The following ERBB4 variants were observed in gnomAD, a reference collection of about 807,000 sequenced individuals.
ERBB4 encodes receptor tyrosine-protein kinase erbB-4.
ERBB4 carries 42 observed loss-of-function variants against 158.0 expected under a neutral mutation model. The ratio of observed to expected loss-of-function variants is 0.27; its 90% CI spans 0.21 to 0.34. ERBB4 has a LOEUF of 0.34. Ranked by LOEUF, ERBB4 falls within the 10% of genes least tolerant of loss-of-function variation. The pLI is 1.00. For missense variants in ERBB4, 1,333 were observed against 1,624.1 expected (o/e 0.82, Z 3.08); for synonymous variants, 583 against 558.7 (o/e 1.04, Z -0.61).
At chr2:211,406,306 CTAAA>C (rs2063146833) in intron 25 of ERBB4, among the ~76,000 whole-genome samples, 1 of 152,030 alleles carries the variant, frequency 6.6e-6, no homozygotes, top group East Asian at 1.9e-4. Context: ...TAGTAGATAC[CTAAA>C]TAAATGTTTG....
chr2:211,523,502 T>G (rs965045526), intron 20 of ERBB4, among the ~76,000 whole-genome samples: 1 of 151,736 alleles, frequency 6.6e-6, no homozygotes, highest in Non-Finnish European at 1.5e-5. Flanking sequence ...AGTTTGTTCC[T>G]TCTGATGTTC....
intron 20 of ERBB4, among the ~76,000 whole-genome samples, chr2:211,451,183 A>C (rs1351653224): frequency 6.6e-6 from 1 of 152,208 alleles, no homozygotes; most frequent in Non-Finnish European, 1.5e-5. Flanking sequence ...AGAAATCCAG[A>C]GTTTCAAATA....
At chr2:212,281,864 C>T (rs981578221) in intron 1 of ERBB4, among the ~76,000 whole-genome samples, 5 of 151,716 alleles carry the variant, frequency 3.3e-5, no homozygotes, top group Non-Finnish European at 2.9e-5. Flanking sequence ...TTATGCAACT[C>T]TGCTTCAATG....
chr2:211,478,837 C>T (rs567735777), intron 20 of ERBB4, among the ~76,000 whole-genome samples: 1 of 152,176 alleles, frequency 6.6e-6, no homozygotes, highest in South Asian at 2.1e-4. Context: ...AGAAACAAAA[C>T]CAATTCCAGG....
chr2:211,570,069 A>G (rs990838087), intron 19 of ERBB4, among the ~76,000 whole-genome samples: 1 of 151,974 alleles, frequency 6.6e-6, no homozygotes, highest in Non-Finnish European at 1.5e-5. Flanking sequence ...GATTCATGAG[A>G]TTTTGCCTAA....
intron 1 of ERBB4, among the ~76,000 whole-genome samples, chr2:212,370,578 T>A (rs1184708232): frequency 1.3e-5 from 2 of 152,200 alleles, no homozygotes; most frequent in Non-Finnish European, 2.9e-5. Context: ...TCCAGGGTGA[T>A]AATTTTCATT....
intron 25 of ERBB4, among the ~76,000 whole-genome samples, chr2:211,391,339 A>G (rs537411814): frequency 6.6e-6 from 1 of 152,316 alleles, no homozygotes; most frequent in Admixed American, 6.5e-5. Flanking sequence ...AGAACAAAGC[A>G]ATGCTCTCAG....
intron 2 of ERBB4, among the ~76,000 whole-genome samples, chr2:211,957,879 A>C (rs899117556): frequency 6.6e-6 from 1 of 152,122 alleles, no homozygotes; most frequent in Non-Finnish European, 1.5e-5. Flanking sequence ...GTCTTTTATA[A>C]ATGTGATGTT....
At chr2:212,431,426 G>A (rs1574907271) in intron 1 of ERBB4, among the ~76,000 whole-genome samples, 1 of 148,880 alleles carries the variant, frequency 6.7e-6, no homozygotes, top group African/African-American at 2.5e-5. Context: ...AACGTATACA[G>A]AATCTCATTG....
chr2:212,403,412 TATAATC>T (rs1288424255), intron 1 of ERBB4, among the ~76,000 whole-genome samples: 1 of 152,016 alleles, frequency 6.6e-6, no homozygotes, highest in Non-Finnish European at 1.5e-5. Context: ...CCAAAAGAAT[TATAATC>T]AGAATCTCAG....
intron 3 of ERBB4, among the ~76,000 whole-genome samples, chr2:211,816,310 G>T (rs2076878895): frequency 1.3e-5 from 2 of 152,072 alleles, no homozygotes; most frequent in South Asian, 2.1e-4. Flanking sequence ...GGAGGCTGAG[G>T]TGGGCAGATC....
At chr2:211,993,562 C>T (rs1284807792) in intron 2 of ERBB4, among the ~76,000 whole-genome samples, 1 of 151,316 alleles carries the variant, frequency 6.6e-6, no homozygotes, top group Non-Finnish European at 1.5e-5. Context: ...CTTTAAGAGA[C>T]TTCCCCAAAT....
At chr2:212,043,696 A>C (rs2125378337) in intron 2 of ERBB4, among the ~76,000 whole-genome samples, 2 of 152,222 alleles carry the variant, frequency 1.3e-5, no homozygotes, top group East Asian at 1.9e-4. Context: ...CCAGAGAATA[A>C]GTGAATAAGA....
intron 1 of ERBB4, among the ~76,000 whole-genome samples, chr2:212,474,819 A>ATTTTTTT (rs1295029698): frequency 2.1e-4 from 15 of 72,156 alleles, no homozygotes; most frequent in Admixed American, 3.4e-4. Flanking sequence ...ACACCCGGCC[A>ATTTTTTT]TTCTTTTTTT....
chr2:211,960,170 T>A (rs1450734151), intron 2 of ERBB4, among the ~76,000 whole-genome samples: 2 of 152,072 alleles, frequency 1.3e-5, no homozygotes, highest in East Asian at 3.9e-4. Flanking sequence ...AATTTCATAT[T>A]CTAGGTATGG....
chr2:211,389,527 A>G (rs908344330), intron 25 of ERBB4, among the ~76,000 whole-genome samples: 1 of 152,158 alleles, frequency 6.6e-6, no homozygotes, highest in Non-Finnish European at 1.5e-5. Flanking sequence ...GTGAGGTTAT[A>G]TCTTAATTTT....
chr2:211,462,344 C>T (rs750507768), intron 20 of ERBB4, among the ~76,000 whole-genome samples: 4 of 151,910 alleles, frequency 2.6e-5, no homozygotes, highest in Admixed American at 6.6e-5. Context: ...GATTACAATT[C>T]GACATAAGAT....
At position 211,571,041 on chromosome 2, in the gene ERBB4, C is replaced by CTTTTTTT. The variant is rs549254649; in HGVS notation, c.2302-8960_2302-8954dup. On this transcript the variant is annotated intron_variant, in intron 19 of 27. Coordinates refer to ENST00000342788, the MANE Select transcript of ERBB4 (RefSeq NM_005235.3). The stretch of plus-strand genomic sequence containing the variant: ...TTTTCACTCTCTGAGTACTCTTCTT[C>CTTTTTTT]TTTTTTTTTTTTTTTTTTTTGAGAC... 9.6e-4 allele frequency among the ~76,000 whole-genome samples: 105 copies of CTTTTTTT among 109,060 alleles called. 3 individuals carry two copies. The highest frequency in any genetic ancestry group is 2.4e-3 in the African/African-American group (67 of 28,190). 71.5% of individuals were successfully genotyped at this position (109,060 alleles called of 152,430 possible).
intron 3 of ERBB4, among the ~76,000 whole-genome samples, chr2:211,918,865 T>A (rs1001223313): frequency 6.6e-6 from 1 of 152,148 alleles, no homozygotes; most frequent in Non-Finnish European, 1.5e-5. Flanking sequence ...CATCTCATTC[T>A]TATTACTGTT....
Sources: allele counts gnomAD v4.1 joint callset (sites outside exome capture counted in the v4.1 genomes callset), GRCh38; gene constraint gnomAD v4.1.1; transcripts MANE v1.5; gene names NCBI Gene and HGNC (gene_info 2026-07-23, HGNC 2026-07-21).